MAK: variants seen among roughly 807,000 people sequenced by gnomAD.
The protein encoded by MAK is male germ cell associated kinase.
Under a neutral mutation model 82.6 loss-of-function variants are expected in MAK, and 65 were observed. That is an observed-to-expected ratio of 0.79 (90% CI 0.64 to 0.97). The LOEUF (loss-of-function observed/expected upper bound fraction) is 0.97. Ranked by LOEUF, MAK falls within the 50% of genes least tolerant of loss-of-function variation. MAK has a pLI of 0.00. For synonymous variants in MAK, 250 were observed against 274.2 expected, an observed-to-expected ratio of 0.91 and a Z score of 0.87; for missense variants, 703 against 780.2, an observed-to-expected ratio of 0.90 and a Z score of 1.18.
At chr6:10,780,115 AGG>A (rs1354705630) in intron 11 of MAK, 1 of 227,386 alleles carries the variant, frequency 4.4e-6, no homozygotes, top group Non-Finnish European at 7.3e-6. Flanking sequence ...CCAGCTCCAG[AGG>A]GGTCATCTTC....
chr6:10,797,397 C>A (rs1288561500), intron 8 of MAK, among the ~76,000 whole-genome samples: 1 of 152,120 alleles, frequency 6.6e-6, no homozygotes, highest in East Asian at 1.9e-4. Context: ...GGAGACATTT[C>A]TTATTATAAT....
intron 2 of MAK, among the ~76,000 whole-genome samples, chr6:10,821,687 C>T (rs922007997): frequency 3.3e-5 from 5 of 152,176 alleles, no homozygotes; most frequent in Non-Finnish European, 7.3e-5. Context: ...AATCTGCACT[C>T]TCACTGGCAT....
chr6:10,775,954 A>G (rs1380467646), intron 11 of MAK, among the ~76,000 whole-genome samples: 1 of 151,890 alleles, frequency 6.6e-6, no homozygotes, highest in Non-Finnish European at 1.5e-5. Context: ...ATGCTTGGCT[A>G]ATTTTTGTAT....
chr6:10,837,415 G>T (rs888870572), intron 1 of MAK, among the ~76,000 whole-genome samples: 1 of 152,222 alleles, frequency 6.6e-6, no homozygotes, highest in Non-Finnish European at 1.5e-5. Context: ...GAGATTAAAC[G>T]TCCTGCCCGG....
Position 10,764,312 on chromosome 6 carries a change from A to G in MAK, c.*140T>C. The G allele has an allele frequency of 1.3e-6, 1 of 798,974 alleles. No individual in the cohort carries two copies. Among genetic ancestry groups the G allele is most frequent in the East Asian group, 2.7e-5 (1 of 37,230 alleles). 49.5% of individuals were successfully genotyped at this position (798,974 alleles called of 1,614,324 possible). The stretch of plus-strand genomic sequence containing the variant: ...TTGGAAATAAGTAAAATAGGGGATG[A>G]TTTTTGCCCTTCCAAGTACCCACTT... On this transcript the variant is annotated 3_prime_UTR_variant, in exon 15 of 15. Transcript: ENST00000354489.
intron 10 of MAK, among the ~76,000 whole-genome samples, chr6:10,787,216 G>C (rs1226393044): frequency 6.6e-6 from 1 of 151,236 alleles, no homozygotes; most frequent in Non-Finnish European, 1.5e-5. Flanking sequence ...TCACCACTCC[G>C]CTAATTCACC....
intron 1 of MAK, chr6:10,838,278 G>A (rs1339376724): frequency 6.6e-6 from 1 of 152,336 alleles, no homozygotes; most frequent in African/African-American, 2.4e-5. Context: ...GCCTTCCCTC[G>A]GGCTGACCAC....
intron 13 of MAK, among the ~76,000 whole-genome samples, chr6:10,770,737 C>T (rs1772931093): frequency 6.6e-6 from 1 of 152,172 alleles, no homozygotes; most frequent in Non-Finnish European, 1.5e-5. Context: ...CGTCAGCTAG[C>T]ATAATTGCCA....
chr6:10,830,704 T>A lies in MAK; in HGVS notation c.-56A>T. On this transcript the variant is annotated 5_prime_UTR_variant, in exon 2 of 15. Transcript: ENST00000354489. ...ATTGAAATGACTTCCTTGTTGAATATAAATTTGAACGCTTCTTAATTTTTA... is the reference window on the plus strand; with the variant it reads ...ATTGAAATGACTTCCTTGTTGAATAAAAATTTGAACGCTTCTTAATTTTTA... 1 of 1,358,676 alleles carries A rather than the reference T, an allele frequency of 7.4e-7. No individual in the cohort carries two copies. The highest frequency in any genetic ancestry group is 1.1e-6 in the Non-Finnish European group (1 of 947,062). The allele number at this position is 1,358,676 out of a possible 1,614,324, so 84.2% of individuals were successfully genotyped here.
intron 2 of MAK, among the ~76,000 whole-genome samples, chr6:10,824,529 C>T (rs1240908250): frequency 2.6e-5 from 4 of 150,944 alleles, no homozygotes; most frequent in Admixed American, 6.6e-5. Context: ...CTTCTCCCAC[C>T]GTTCCACTGC....
chr6:10,813,844 A>T, intron 4 of MAK, 121 bp from the exon 5 acceptor site: 1 of 726,902 alleles, frequency 1.4e-6, no homozygotes, highest in Non-Finnish European at 2.5e-6. Context: ...TAAACCTATG[A>T]TTTATAGATT....
At chr6:10,815,595 C>A (rs879755809) in intron 4 of MAK, among the ~76,000 whole-genome samples, 2 of 151,972 alleles carry the variant, frequency 1.3e-5, no homozygotes, top group Non-Finnish European at 2.9e-5. Context: ...TGCACTCTGG[C>A]CCTCCAGCCA....
chr6:10,766,733 C>T (rs999889822), intron 14 of MAK, among the ~76,000 whole-genome samples: 2 of 151,990 alleles, frequency 1.3e-5, no homozygotes, highest in African/African-American at 4.8e-5. Flanking sequence ...CCCGCTTATT[C>T]AGGGAGGGAA....
chr6:10,794,591 T>C (rs923048062), intron 9 of MAK, among the ~76,000 whole-genome samples: 3 of 152,142 alleles, frequency 2.0e-5, no homozygotes, highest in African/African-American at 7.2e-5. Flanking sequence ...GCAAACACAT[T>C]TGGGAGTGTA....
intron 12 of MAK, among the ~76,000 whole-genome samples, chr6:10,775,117 C>T (rs1008353137): frequency 1.3e-5 from 2 of 152,146 alleles, no homozygotes; most frequent in African/African-American, 4.8e-5. Flanking sequence ...CATGCTCATC[C>T]AGCTACAAAC....
In MAK at chr6:10,775,358, C is replaced by T. The variant is rs1485853067; in HGVS notation, c.1567G>A (p.Ala523Thr). ...TTGCTCCTTTTGAAAGCAAGTTCTG[C>T]CCCAACGGGTCCCAGTGACTTGGGG... ...LFPKSLGPVG[A>T]ELAFKRSNAE... Residue 523 changes from alanine to threonine, a missense_variant, in exon 12 of 15, where the codon GCA (alanine) becomes ACA (threonine). By Grantham distance (58) the Ala-to-Thr change is moderately conservative. Coordinates refer to ENST00000354489, the MANE Select transcript of MAK (RefSeq NM_001242957.3). The T allele has an allele frequency of 1.1e-5, 17 of 1,613,734 alleles. No individual in the cohort carries two copies. Among genetic ancestry groups the T allele is most frequent in the Non-Finnish European group, 1.4e-5 (17 of 1,179,816 alleles).
chr6:10,826,308 T>C (rs192185067), intron 2 of MAK, among the ~76,000 whole-genome samples: 20 of 151,972 alleles, frequency 1.3e-4, no homozygotes, highest in African/African-American at 4.8e-4. Flanking sequence ...GGAAGACTTT[T>C]GTGATACTTC....
intron 5 of MAK, among the ~76,000 whole-genome samples, chr6:10,812,678 TATG>T (rs1777036874): frequency 6.6e-6 from 1 of 152,026 alleles, no homozygotes; most frequent in Non-Finnish European, 1.5e-5. Context: ...AAGATGGGTA[TATG>T]ATGACTGAGA....
intron 11 of MAK, among the ~76,000 whole-genome samples, chr6:10,783,740 G>A (rs1280579945): frequency 6.6e-6 from 1 of 152,204 alleles, no homozygotes; most frequent in African/African-American, 2.4e-5. Context: ...CACCAGATTG[G>A]CTGGGCACAG....
Sources: gnomAD v4.1 joint callset for allele counts (sites outside exome capture counted in the v4.1 genomes callset) on GRCh38, gnomAD v4.1.1 for gene constraint, MANE v1.5 for transcripts, NCBI Gene and HGNC (gene_info 2026-07-23, HGNC 2026-07-21) for gene names.